The following CHD1L variants were observed in gnomAD, a reference collection of about 807,000 sequenced individuals.
The protein encoded by CHD1L is chromodomain helicase DNA binding protein 1 like, also known as ATP-dependent chromatin remodeler CHD1L.
A neutral mutation model predicts 115.9 loss-of-function variants in CHD1L; 118 were observed. That is an observed-to-expected ratio of 1.02 (90% confidence interval 0.88 to 1.19). The LOEUF is 1.19. CHD1L is among the 50% of genes most tolerant of loss of function. The probability of loss-of-function intolerance (pLI) is 0.00; values close to 1 mark genes in which losing one functional copy is unlikely to be tolerated. For synonymous variants in CHD1L, 411 were observed against 387.1 expected, an observed-to-expected ratio of 1.06 and a Z score of -0.72; for missense variants, 1,179 against 1,065.3, an observed-to-expected ratio of 1.11 and a Z score of -1.49.
chr1:147,195,700 G>C, the CHD1L span, among the ~76,000 whole-genome samples: 10 of 152,076 alleles, frequency 6.6e-5, no homozygotes, highest in Non-Finnish European at 1.0e-4. Context: ...CCTATAACTA[G>C]GGACTATGCC....
At chr1:147,246,025 C>T (rs1666500500) in intron 1 of CHD1L, among the ~76,000 whole-genome samples, 1 of 152,210 alleles carries the variant, frequency 6.6e-6, no homozygotes, top group South Asian at 2.1e-4. Context: ...CCTCAACTTG[C>T]ACTTTGATAG....
intron 19 of CHD1L, among the ~76,000 whole-genome samples, chr1:147,290,199 C>T (rs587752873): frequency 6.6e-6 from 1 of 152,254 alleles, no homozygotes; most frequent in Non-Finnish European, 1.5e-5. Context: ...CCTCCTGCCT[C>T]AGCCTCCCAA....
chr1:147,274,719 C>CA (rs1437136986), intron 12 of CHD1L, among the ~76,000 whole-genome samples: 1 of 152,152 alleles, frequency 6.6e-6, no homozygotes, highest in African/African-American at 2.4e-5. Flanking sequence ...TCAGAACACT[C>CA]AGAGTAAATG....
intron 13 of CHD1L, 55 bp downstream of exon 13, chr1:147,275,523 A>G: frequency 7.3e-7 from 1 of 1,368,118 alleles, no homozygotes; most frequent in African/African-American, 1.4e-5. Context: ...CTGGGTTGTG[A>G]AAAAGGTGAA....
the CHD1L span, among the ~76,000 whole-genome samples, chr1:147,203,103 C>T: frequency 9.0e-6 from 1 of 110,854 alleles, no homozygotes; most frequent in Non-Finnish European, 1.7e-5. Context: ...ATTTAGTAGA[C>T]CAAAGGTTTC....
At chr1:147,204,978 G>A in the CHD1L span, 8 of 1,141,406 alleles carry the variant, frequency 7.0e-6, no homozygotes, top group South Asian at 3.7e-5. Context: ...AGAAGACCGC[G>A]GAGGAACCAA....
the CHD1L span, among the ~76,000 whole-genome samples, chr1:147,228,905 A>C: frequency 6.6e-6 from 1 of 152,096 alleles, no homozygotes; most frequent in Non-Finnish European, 1.5e-5. Flanking sequence ...GATTCTGGAT[A>C]TTAGCCCTTT....
At chr1:147,256,014 T>G in intron 4 of CHD1L, 87 bp downstream of exon 4, 1 of 858,612 alleles carries the variant, frequency 1.2e-6, no homozygotes, top group Non-Finnish European at 1.8e-6. Context: ...TAAGTTTTGT[T>G]GAGAGCACAC....
intron 4 of CHD1L, 41 bp from the exon 5 acceptor site, chr1:147,256,490 A>G: frequency 6.3e-7 from 1 of 1,578,624 alleles, no homozygotes; most frequent in South Asian, 1.1e-5. Context: ...ATCAGAGTTT[A>G]TCAATGCCAG....
At chr1:147,288,712 A>T (rs1303000428) in intron 19 of CHD1L, among the ~76,000 whole-genome samples, 1 of 152,160 alleles carries the variant, frequency 6.6e-6, no homozygotes, top group African/African-American at 2.4e-5. Context: ...AATTGGACAT[A>T]CCATTAAAAT....
chr1:147,291,617 C>T (rs1685565040), intron 20 of CHD1L, 65 bp downstream of exon 20: 1 of 1,338,020 alleles, frequency 7.5e-7, no homozygotes, highest in African/African-American at 1.4e-5. Context: ...TTGAAGTGTC[C>T]CCTGCCCCAA....
At chr1:147,276,753 C>CA (rs782651184) in intron 14 of CHD1L, among the ~76,000 whole-genome samples, 5 of 152,230 alleles carry the variant, frequency 3.3e-5, no homozygotes, top group East Asian at 3.9e-4. Context: ...GGATGGGAGA[C>CA]AGACACTGGA....
At chr1:147,186,672 A>G in the CHD1L span, 1 of 1,346,070 alleles carries the variant, frequency 7.4e-7, no homozygotes, top group Non-Finnish European at 9.5e-7. Flanking sequence ...CTCCCAGTCT[A>G]GGGATTACCA....
chr1:147,221,600 A>G, the CHD1L span, among the ~76,000 whole-genome samples: 2 of 152,222 alleles, frequency 1.3e-5, no homozygotes, highest in Admixed American at 1.3e-4. Context: ...AGAGATATTT[A>G]GAAAGTCCCT....
intron 6 of CHD1L, among the ~76,000 whole-genome samples, chr1:147,263,055 GTATA>G (rs1306328528): frequency 1.3e-5 from 2 of 151,894 alleles, no homozygotes; most frequent in Admixed American, 6.6e-5. Flanking sequence ...ATGTAAATGT[GTATA>G]TACATATGTA....
chr1:147,182,996 G>A, the CHD1L span, among the ~76,000 whole-genome samples: 2 of 152,102 alleles, frequency 1.3e-5, no homozygotes, highest in African/African-American at 2.4e-5. Context: ...TCAGGAGATC[G>A]AGACCATCCT....
At chr1:147,221,374 G>A in the CHD1L span, among the ~76,000 whole-genome samples, 1 of 152,116 alleles carries the variant, frequency 6.6e-6, no homozygotes, top group Non-Finnish European at 1.5e-5. Flanking sequence ...GAGGTGTACT[G>A]TAATTCTCTG....
the CHD1L span, among the ~76,000 whole-genome samples, chr1:147,228,316 A>C: frequency 6.6e-6 from 1 of 152,092 alleles, no homozygotes; most frequent in South Asian, 2.1e-4. Flanking sequence ...AGCTTTATCC[A>C]TGTCCCTACA....
the CHD1L span, chr1:147,204,670 A>G: frequency 1.2e-4 from 184 of 1,573,910 alleles, 1 homozygote; most frequent in South Asian, 1.4e-3. Context: ...ATGAGAAGCC[A>G]TTACAGTCAT....
Sources: allele counts gnomAD v4.1 joint callset (sites outside exome capture counted in the v4.1 genomes callset), GRCh38; gene constraint gnomAD v4.1.1; transcripts MANE v1.5; gene names NCBI Gene and HGNC (gene_info 2026-07-23, HGNC 2026-07-21).